Variants in ZMYND11 observed in about 807,000 individuals in gnomAD.
The protein encoded by ZMYND11 is zinc finger MYND-type containing 11.
In ZMYND11, 9 loss-of-function variants were observed where a neutral mutation model predicts 84.9. The ratio of observed to expected loss-of-function variants is 0.11; its 90% CI spans 0.06 to 0.18. ZMYND11 has a LOEUF of 0.18. Ranked by LOEUF, ZMYND11 falls within the 10% of genes least tolerant of loss-of-function variation. ZMYND11 has a pLI of 1.00. For missense variants in ZMYND11, 409 were observed against 761.0 expected (o/e 0.54, Z 5.44); for synonymous variants, 250 against 244.1 (o/e 1.02, Z -0.23).
In ZMYND11 at chr10:247,553, ACAGT is replaced by A. The variant is rs1452767420; in HGVS notation, c.1227+90_1227+93del. 2.8e-5 allele frequency: 39 copies of A among 1,404,090 alleles called. No individual in the cohort carries two copies. In the African/African-American group the frequency reaches 5.2e-4, roughly 19 times the overall value. The allele number at this position is 1,404,090 out of a possible 1,614,324, so 87.0% of individuals were successfully genotyped here. A position where few individuals can be genotyped will look rare whatever the true frequency, so the allele number is the denominator to read the frequency against. On this transcript the variant is annotated intron_variant, in intron 12 of 14. Coordinates refer to ENST00000381604, the MANE Select transcript of ZMYND11 (RefSeq NM_001370100.5). ...TTTGTATTTTCAAAGTATTTCAAAG[ACAGT>A]CACTCTTGGTGGATACTTGTGAAAT...
intron 3 of ZMYND11, among the ~76,000 whole-genome samples, chr10:211,491 A>G (rs1045436803): frequency 6.6e-6 from 1 of 152,166 alleles, no homozygotes; most frequent in African/African-American, 2.4e-5. Context: ...TGAGCCAGCA[A>G]ACATACTAAC....
chr10:199,360 T>C (rs929039942), intron 2 of ZMYND11, among the ~76,000 whole-genome samples: 2 of 150,624 alleles, frequency 1.3e-5, no homozygotes, highest in African/African-American at 4.9e-5. Flanking sequence ...TTTCTTTCTG[T>C]GTATGCATGT....
chr10:201,875 C>T lies in ZMYND11; in HGVS notation c.117-8014C>T, dbSNP rs529841279. On this transcript the variant is annotated intron_variant, in intron 2 of 14. Coordinates refer to ENST00000381604, the MANE Select transcript of ZMYND11 (RefSeq NM_001370100.5). ...CATTTACATGCCATTTCCTGACCTG[C>T]GGTATTAAGTGAAATTAAAATAGCA... Among the ~76,000 whole-genome samples the T allele has an allele frequency of 7.9e-5, 12 of 152,086 alleles. 1 individual carries two copies. The South Asian group carries it at 1.7e-3, about 21-fold the overall frequency.
At chr10:226,160 T>C (rs1304971110) in intron 4 of ZMYND11, among the ~76,000 whole-genome samples, 1 of 152,182 alleles carries the variant, frequency 6.6e-6, no homozygotes, top group Non-Finnish European at 1.5e-5. Flanking sequence ...GTCTCCCCAT[T>C]ACGCCAGAGT....
At chr10:224,019 C>T (rs1947630944) in intron 4 of ZMYND11, among the ~76,000 whole-genome samples, 1 of 151,852 alleles carries the variant, frequency 6.6e-6, no homozygotes, top group Non-Finnish European at 1.5e-5. Context: ...AGATAAGGTG[C>T]CATAGCCAAA....
chr10:221,383 T>C, intron 4 of ZMYND11, 27 bp downstream of exon 4: 1 of 1,600,660 alleles, frequency 6.2e-7, no homozygotes, highest in South Asian at 1.1e-5. Flanking sequence ...TTTCCTGTGC[T>C]GGTTAGAGGG....
At chr10:165,055 C>T (rs1843679211) in intron 1 of ZMYND11, among the ~76,000 whole-genome samples, 1 of 152,046 alleles carries the variant, frequency 6.6e-6, no homozygotes, top group South Asian at 2.1e-4. Flanking sequence ...TTTCCATCTA[C>T]CTCCTTTACT....
At chr10:223,399 C>T (rs1947492548) in intron 4 of ZMYND11, among the ~76,000 whole-genome samples, 1 of 152,140 alleles carries the variant, frequency 6.6e-6, no homozygotes, top group South Asian at 2.1e-4. Context: ...ACTGTATTGG[C>T]TCACACAGAA....
At chr10:202,623 G>A (rs1340414101) in intron 2 of ZMYND11, among the ~76,000 whole-genome samples, 1 of 152,098 alleles carries the variant, frequency 6.6e-6, no homozygotes, top group Admixed American at 6.6e-5. Flanking sequence ...GTTGTCATTC[G>A]TGTGTGCTAG....
intron 5 of ZMYND11, 37 bp downstream of exon 5, chr10:236,952 A>G (rs910749163): frequency 1.9e-6 from 3 of 1,567,600 alleles, no homozygotes; most frequent in Admixed American, 1.7e-5. Flanking sequence ...AAATATCCCA[A>G]AACACATTTT....
intron 2 of ZMYND11, among the ~76,000 whole-genome samples, chr10:202,022 C>G (rs1943276650): frequency 6.6e-6 from 1 of 152,104 alleles, no homozygotes. Context: ...CCTGGAGTAT[C>G]CTTTATCTGA....
At chr10:188,890 G>A (rs1939522002) in intron 2 of ZMYND11, among the ~76,000 whole-genome samples, 1 of 152,158 alleles carries the variant, frequency 6.6e-6, no homozygotes, top group African/African-American at 2.4e-5. Flanking sequence ...ATTGAGGGAG[G>A]TTGGCTTGTT....
At chr10:210,125 A>C (rs1944930481) in intron 3 of ZMYND11, 77 bp downstream of exon 3, 1 of 1,478,454 alleles carries the variant, frequency 6.8e-7, no homozygotes, top group Non-Finnish European at 9.2e-7. Flanking sequence ...AACCTATAGA[A>C]AATCATTTTC....
At chr10:159,131 T>TTTC (rs1554760682) in intron 1 of ZMYND11, among the ~76,000 whole-genome samples, 1 of 139,704 alleles carries the variant, frequency 7.2e-6, no homozygotes, top group Admixed American at 7.0e-5. Flanking sequence ...TTTTTTTTTC[T>TTTC]TAATAGCTGA....
At chr10:247,103 C>T (rs1018459258) in intron 11 of ZMYND11, 130 bp downstream of exon 11, 7 of 1,022,214 alleles carry the variant, frequency 6.8e-6, no homozygotes, top group South Asian at 6.5e-5. Flanking sequence ...GTAAAGTGCT[C>T]TGCAAAACTA....
intron 1 of ZMYND11, among the ~76,000 whole-genome samples, chr10:156,829 A>C (rs1389938857): frequency 6.6e-6 from 1 of 152,192 alleles, no homozygotes; most frequent in African/African-American, 2.4e-5. Context: ...ACAAAAAAAG[A>C]GCTACGTTAA....
intron 1 of ZMYND11, among the ~76,000 whole-genome samples, chr10:169,300 G>C (rs1467756604): frequency 1.3e-5 from 2 of 152,100 alleles, no homozygotes; most frequent in Non-Finnish European, 2.9e-5. Flanking sequence ...ATAGGACTAA[G>C]ACGGCCTCCC....
chr10:167,444 C>T (rs1251324253), intron 1 of ZMYND11, among the ~76,000 whole-genome samples: 5 of 152,042 alleles, frequency 3.3e-5, no homozygotes, highest in African/African-American at 4.8e-5. Flanking sequence ...CTGAAATATC[C>T]TTTTGCTTTA....
intron 1 of ZMYND11, among the ~76,000 whole-genome samples, chr10:145,236 G>A (rs1285485547): frequency 6.6e-6 from 1 of 150,460 alleles, no homozygotes; most frequent in Non-Finnish European, 1.5e-5. Flanking sequence ...GTATATATAT[G>A]TGTGTGTATG....
Sources: gnomAD v4.1 joint callset for allele counts (sites outside exome capture counted in the v4.1 genomes callset) on GRCh38, gnomAD v4.1.1 for gene constraint, MANE v1.5 for transcripts, NCBI Gene and HGNC (gene_info 2026-07-23, HGNC 2026-07-21) for gene names.